LEF1: variants seen among roughly 807,000 people sequenced by gnomAD.
LEF1 encodes the protein lymphoid enhancer-binding factor 1.
Under a neutral mutation model 51.2 loss-of-function variants are expected in LEF1, and 14 were observed. That is an observed-to-expected ratio of 0.27 (90% CI 0.18 to 0.43). The LOEUF (loss-of-function observed/expected upper bound fraction) is 0.43, where lower values mean the gene tolerates loss of function less well. Ranked by LOEUF, LEF1 falls within the 20% of genes least tolerant of loss-of-function variation. LEF1 has a pLI of 1.00. For missense variants in LEF1, 386 were observed against 512.0 expected (o/e 0.75, Z 2.37); for synonymous variants, 185 against 183.2 (o/e 1.01, Z -0.08).
chr4:108,164,775 A>C (rs1304678729), intron 2 of LEF1, among the ~76,000 whole-genome samples: 3 of 152,172 alleles, frequency 2.0e-5, no homozygotes, highest in Non-Finnish European at 2.9e-5. Context: ...TAATATATTA[A>C]AAATACTAAA....
intron 3 of LEF1, among the ~76,000 whole-genome samples, chr4:108,122,361 C>A (rs915796850): frequency 6.6e-6 from 1 of 152,046 alleles, no homozygotes; most frequent in Admixed American, 6.6e-5. Context: ...TTGATCATGG[C>A]GTATTTTTTT....
intron 3 of LEF1, among the ~76,000 whole-genome samples, chr4:108,157,912 CCT>C (rs1247586095): frequency 6.6e-6 from 1 of 152,178 alleles, no homozygotes; most frequent in Non-Finnish European, 1.5e-5. Context: ...CTCTACACAG[CCT>C]CTGCTAACAG....
intron 3 of LEF1, among the ~76,000 whole-genome samples, chr4:108,132,094 T>C (rs1742934729): frequency 6.6e-6 from 1 of 152,194 alleles, no homozygotes; most frequent in South Asian, 2.1e-4. Context: ...TGCCTACCCT[T>C]AATAAGGATA....
At position 108,071,103 on chromosome 4, in the gene LEF1, C is replaced by A. The variant is rs957750093; in HGVS notation, c.1009-333G>T. ...GAACTTTCACTGGTGAACCTCAACA[C>A]CCAACTTCACTGTTTTTCACAGTTA... On this transcript the variant is annotated intron_variant, in intron 8 of 11. Coordinates refer to ENST00000265165, the MANE Select transcript of LEF1 (RefSeq NM_016269.5). 3.9e-5 allele frequency among the ~76,000 whole-genome samples: 6 copies of A among 152,326 alleles called. No individual in the cohort carries two copies. The East Asian group carries it at 1.2e-3, about 29-fold the overall frequency.
intron 11 of LEF1, among the ~76,000 whole-genome samples, chr4:108,051,534 C>T (rs570157533): frequency 6.6e-6 from 1 of 152,258 alleles, no homozygotes; most frequent in East Asian, 1.9e-4. Flanking sequence ...GCCAGGCGAG[C>T]CCCGGCACAG....
chr4:108,129,910 T>C (rs1266514377), intron 3 of LEF1, among the ~76,000 whole-genome samples: 1 of 152,184 alleles, frequency 6.6e-6, no homozygotes, highest in Non-Finnish European at 1.5e-5. Flanking sequence ...ATTTTCTTAG[T>C]GTTTCTCAAG....
chr4:108,160,551 C>T (rs149117595), intron 3 of LEF1, among the ~76,000 whole-genome samples: 2 of 152,202 alleles, frequency 1.3e-5, no homozygotes, highest in Non-Finnish European at 2.9e-5. Context: ...CTGTGAGAGA[C>T]CCATTCATAA....
At chr4:108,067,564 T>G (rs1319971061) in intron 9 of LEF1, among the ~76,000 whole-genome samples, 2 of 151,478 alleles carry the variant, frequency 1.3e-5, no homozygotes, top group Non-Finnish European at 2.9e-5. Flanking sequence ...AGTTTCGCAC[T>G]TGTCACCTAG....
chr4:108,122,364 A>T (rs1353764958), intron 3 of LEF1, among the ~76,000 whole-genome samples: 1 of 151,988 alleles, frequency 6.6e-6, no homozygotes, highest in Admixed American at 6.6e-5. Flanking sequence ...ATCATGGCGT[A>T]TTTTTTTCAT....
chr4:108,067,991 G>T (rs570541323), intron 9 of LEF1, among the ~76,000 whole-genome samples: 1 of 152,166 alleles, frequency 6.6e-6, no homozygotes, highest in South Asian at 2.1e-4. Flanking sequence ...CACCGGGCCG[G>T]GCGTGGTGGC....
At chr4:108,118,823 A>T (rs577782792) in intron 3 of LEF1, among the ~76,000 whole-genome samples, 166 of 152,262 alleles carry the variant, frequency 1.1e-3, no homozygotes, top group Non-Finnish European at 1.9e-3. Context: ...GAGACAGTAT[A>T]ACACACAACG....
chr4:108,098,344 C>T (rs1348691546), intron 3 of LEF1, among the ~76,000 whole-genome samples: 3 of 152,016 alleles, frequency 2.0e-5, no homozygotes, highest in Non-Finnish European at 2.9e-5. Context: ...GGGTGGGGTT[C>T]GGCAAGCTAC....
At chr4:108,089,962 T>G (rs193295220) in intron 3 of LEF1, among the ~76,000 whole-genome samples, 53 of 152,326 alleles carry the variant, frequency 3.5e-4, no homozygotes, top group African/African-American at 1.2e-3. Context: ...CAATCTTGAG[T>G]TGAACTGCAT....
chr4:108,077,713 C>A (rs1026944456), intron 8 of LEF1, among the ~76,000 whole-genome samples: 1 of 149,972 alleles, frequency 6.7e-6, no homozygotes, highest in African/African-American at 2.5e-5. Flanking sequence ...AAGTGAGGGG[C>A]GCCTCTGCCC....
intron 3 of LEF1, among the ~76,000 whole-genome samples, chr4:108,120,583 T>G (rs1742111350): frequency 6.6e-6 from 1 of 152,234 alleles, no homozygotes; most frequent in African/African-American, 2.4e-5. Context: ...AAACCATCAG[T>G]GAACTTTTCC....
chr4:108,083,215 A>C, intron 5 of LEF1, 141 bp downstream of exon 5: 2 of 675,250 alleles, frequency 3.0e-6, no homozygotes, highest in Middle Eastern at 2.9e-4. Context: ...AATTGAAATG[A>C]ATAAAGTTAG....
chr4:108,048,595 G>T lies in LEF1; in HGVS notation c.*163C>A. The T allele has an allele frequency of 1.2e-6, 1 of 860,884 alleles. No individual in the cohort carries two copies. Among genetic ancestry groups the T allele is most frequent in the Non-Finnish European group, 1.8e-6 (1 of 566,420 alleles). 53.3% of individuals were successfully genotyped at this position (860,884 alleles called of 1,614,324 possible). On this transcript the variant is annotated 3_prime_UTR_variant, in exon 12 of 12. Transcript: ENST00000265165. ...TTGTCTTTATGGATCAGCGTCTCTA[G>T]CAGTGACCTCAGGGTAAAATTGATG...
At chr4:108,166,099 G>A (rs1213767456) in intron 1 of LEF1, among the ~76,000 whole-genome samples, 1 of 152,202 alleles carries the variant, frequency 6.6e-6, no homozygotes, top group Admixed American at 6.5e-5. Context: ...TTCTCTGGAC[G>A]TGTGTCCTCC....
intron 3 of LEF1, among the ~76,000 whole-genome samples, chr4:108,109,827 TC>T (rs1398626484): frequency 6.6e-6 from 1 of 152,060 alleles, no homozygotes; most frequent in Non-Finnish European, 1.5e-5. Context: ...TCATCAAGTG[TC>T]CCAGGCTGAG....
Sources: gnomAD v4.1 joint callset for allele counts (sites outside exome capture counted in the v4.1 genomes callset) on GRCh38, gnomAD v4.1.1 for gene constraint, MANE v1.5 for transcripts, NCBI Gene and HGNC (gene_info 2026-07-23, HGNC 2026-07-21) for gene names.